The following CEPT1 variants were observed in gnomAD, a reference collection of about 807,000 sequenced individuals.
The protein encoded by CEPT1 is choline/ethanolamine phosphotransferase 1.
In CEPT1, 7 loss-of-function variants were observed where a neutral mutation model predicts 42.6. The observed-to-expected ratio is 0.16, with a 90% CI of 0.09 to 0.31. CEPT1 has a LOEUF of 0.31. Ranked by LOEUF, CEPT1 falls within the 10% of genes least tolerant of loss-of-function variation. The pLI is 1.00. For missense variants in CEPT1, 306 were observed against 502.1 expected, an observed-to-expected ratio of 0.61 and a Z score of 3.73; for synonymous variants, 171 against 171.9, an observed-to-expected ratio of 0.99 and a Z score of 0.04.
intron 5 of CEPT1, chr1:111,181,718 A>T (rs1656998582): frequency 6.6e-6 from 1 of 152,314 alleles, no homozygotes; most frequent in South Asian, 2.1e-4. Flanking sequence ...TATACTCTGC[A>T]GATTTTTATA....
chr1:111,151,628 A>C (rs1352224191), intron 2 of CEPT1, among the ~76,000 whole-genome samples: 2 of 152,196 alleles, frequency 1.3e-5, no homozygotes, highest in Middle Eastern at 3.2e-3. Context: ...GATTGTGGAG[A>C]CCAAAGTTCT....
chr1:111,141,846 A>G (rs904043272), intron 1 of CEPT1, among the ~76,000 whole-genome samples: 5 of 150,180 alleles, frequency 3.3e-5, no homozygotes, highest in African/African-American at 4.9e-5. Context: ...CTTGTTCTTT[A>G]TAATTTGCCC....
chr1:111,154,608 T>A (rs1655461430), intron 2 of CEPT1, among the ~76,000 whole-genome samples: 1 of 152,218 alleles, frequency 6.6e-6, no homozygotes, highest in Non-Finnish European at 1.5e-5. Context: ...TTCAGTATGA[T>A]GTTAGCTGTT....
intron 2 of CEPT1, 138 bp from the exon 3 acceptor site, chr1:111,159,242 G>T: frequency 1.3e-6 from 1 of 766,568 alleles, no homozygotes; most frequent in Non-Finnish European, 2.1e-6. Context: ...TTGTTTCAGT[G>T]AGTTCTTCAT....
chr1:111,161,218 T>G lies in CEPT1; in HGVS notation c.551T>G (p.Phe184Cys). ...GGGACAAACCCTGATTGGATGTTTT[T>G]TTGTTGTTTTGCGGGGACATTTATG... ...QLGTNPDWMF[F>C]CCFAGTFMFY... Residue 184 changes from phenylalanine (F) to cysteine (C), a missense_variant, in exon 4 of 9, where the codon TTT becomes TGT. Phe to Cys is a radical substitution (Grantham distance 205). Coordinates refer to ENST00000357172, the MANE Select transcript of CEPT1 (RefSeq NM_006090.5). 1.2e-6 allele frequency: 2 copies of G among 1,614,108 alleles called. No individual in the cohort carries two copies. The highest frequency in any genetic ancestry group is 1.7e-6 in the Non-Finnish European group (2 of 1,179,996).
At chr1:111,182,711 G>C in intron 6 of CEPT1, 88 bp from the exon 7 acceptor site, 1 of 1,235,130 alleles carries the variant, frequency 8.1e-7, no homozygotes, top group Non-Finnish European at 1.1e-6. Context: ...CTGAAAGTTT[G>C]AGTTGAACTG....
At chr1:111,175,208 A>G (rs184167156) in intron 5 of CEPT1, among the ~76,000 whole-genome samples, 1 of 152,276 alleles carries the variant, frequency 6.6e-6, no homozygotes, top group Admixed American at 6.5e-5. Flanking sequence ...TTGTTATCCC[A>G]TTTTACAGAT....
intron 1 of CEPT1, among the ~76,000 whole-genome samples, chr1:111,146,448 CT>C (rs979795966): frequency 1.8e-4 from 27 of 152,222 alleles, no homozygotes; most frequent in African/African-American, 6.0e-4. Context: ...GCTGTTGACT[CT>C]TTTTTTCTTC....
At chr1:111,155,553 T>G (rs1485952690) in intron 2 of CEPT1, among the ~76,000 whole-genome samples, 1 of 151,980 alleles carries the variant, frequency 6.6e-6, no homozygotes, top group East Asian at 1.9e-4. Flanking sequence ...TGGGGGTTTT[T>G]TTTGAGATGG....
At chr1:111,183,643 T>G in intron 8 of CEPT1, 56 bp downstream of exon 8, 2 of 1,539,746 alleles carry the variant, frequency 1.3e-6, no homozygotes, top group South Asian at 2.3e-5. Flanking sequence ...GTTGCTTGTT[T>G]TCTTATTTTG....
At chr1:111,183,060 T>G in intron 7 of CEPT1, 103 bp downstream of exon 7, 1 of 1,150,724 alleles carries the variant, frequency 8.7e-7, no homozygotes, top group Admixed American at 2.4e-5. Context: ...TCCTAGAGTT[T>G]GCCCTCTTCT....
At chr1:111,155,826 C>T (rs1467615138) in intron 2 of CEPT1, among the ~76,000 whole-genome samples, 2 of 152,104 alleles carry the variant, frequency 1.3e-5, no homozygotes, top group African/African-American at 4.8e-5. Flanking sequence ...GCGTAAGCCA[C>T]CAAGCCTGGC....
chr1:111,184,046 A>G (rs1571162744), intron 8 of CEPT1, 145 bp from the exon 9 acceptor site: 3 of 837,470 alleles, frequency 3.6e-6, no homozygotes, highest in Non-Finnish European at 5.6e-6. Context: ...AAGAGTTTGT[A>G]TGTGAAGGAA....
chr1:111,159,032 G>C (rs1655731868), intron 2 of CEPT1, among the ~76,000 whole-genome samples: 1 of 141,886 alleles, frequency 7.0e-6, no homozygotes, highest in Non-Finnish European at 1.5e-5. Context: ...TCCTGCCTCA[G>C]CCTCCCAAGT....
At chr1:111,165,044 CTTTTTTT>C (rs11323094) in intron 4 of CEPT1, among the ~76,000 whole-genome samples, 1 of 83,972 alleles carries the variant, frequency 1.2e-5, no homozygotes, top group Non-Finnish European at 2.1e-5. Flanking sequence ...AAACATCGGT[CTTTTTTT>C]TTTTTTTTTT....
chr1:111,174,815 G>C (rs559871353), intron 4 of CEPT1, 64 bp from the exon 5 acceptor site: 2 of 969,700 alleles, frequency 2.1e-6, no homozygotes, highest in East Asian at 4.8e-5. Flanking sequence ...TGCTAAGCTT[G>C]CAAGTAATTA....
Position 111,148,032 on chromosome 1 carries a change from C to T in CEPT1, c.318C>T (p.Tyr106=), listed in dbSNP as rs1201990053. Residue 106 remains tyrosine, a synonymous_variant, in exon 2 of 9, where the codon TAC becomes TAT. Transcript: ENST00000357172. ...NICTTILLVF[Y]CPTATEQAPL... ...GTACAACTATTTTATTAGTCTTCTA[C>T]TGCCCTACAGCTACAGAGCAGGTAA... The T allele has an allele frequency of 1.9e-6, 3 of 1,613,816 alleles. No homozygotes were observed. Among genetic ancestry groups the T allele is most frequent in the Admixed American group, 1.7e-5 (1 of 60,028 alleles).
At chr1:111,171,851 G>A (rs566570873) in intron 4 of CEPT1, among the ~76,000 whole-genome samples, 4 of 152,180 alleles carry the variant, frequency 2.6e-5, no homozygotes, top group African/African-American at 7.2e-5. Flanking sequence ...TGATTCTCCC[G>A]CCTCAGCCTC....
At chr1:111,154,396 T>G (rs1180236989) in intron 2 of CEPT1, among the ~76,000 whole-genome samples, 1 of 152,090 alleles carries the variant, frequency 6.6e-6, no homozygotes, top group Non-Finnish European at 1.5e-5. Context: ...TTTGATGCAG[T>G]CTTTAAGTTT....
Sources: gnomAD v4.1 joint callset for allele counts (sites outside exome capture counted in the v4.1 genomes callset) on GRCh38, gnomAD v4.1.1 for gene constraint, MANE v1.5 for transcripts, NCBI Gene and HGNC (gene_info 2026-07-23, HGNC 2026-07-21) for gene names.